Variants in DNAH3 observed in about 807,000 individuals in gnomAD.
DNAH3 encodes the protein dynein axonemal heavy chain 3, also known as axonemal beta dynein heavy chain 3.
DNAH3 carries 332 observed loss-of-function variants against 432.5 expected under a neutral mutation model. The observed-to-expected ratio is 0.77, with a 90% CI of 0.70 to 0.84. The LOEUF is 0.84. Among genes scored for constraint, DNAH3 ranks in the 40% least tolerant of loss-of-function variants. The pLI, the probability that DNAH3 is intolerant of heterozygous loss-of-function variation, is 0.00. For missense variants in DNAH3, 4,861 were observed against 5,114.0 expected (o/e 0.95, Z 1.51); for synonymous variants, 1,956 against 1,900.2 (o/e 1.03, Z -0.76).
intron 41 of DNAH3, 97 bp downstream of exon 41, chr16:21,019,527 T>C: frequency 2.1e-6 from 3 of 1,442,384 alleles, no homozygotes; most frequent in Non-Finnish European, 2.8e-6. Context: ...CTTCTGTGGC[T>C]TTTGTAAAGG....
chr16:21,018,906 T>TTA (rs2087999488), intron 41 of DNAH3, among the ~76,000 whole-genome samples: 1 of 151,652 alleles, frequency 6.6e-6, no homozygotes. Flanking sequence ...AAAAAAAAAT[T>TTA]ATAATGACAA....
At chr16:21,154,075 C>G (rs2092882918) in intron 1 of DNAH3, among the ~76,000 whole-genome samples, 1 of 152,130 alleles carries the variant, frequency 6.6e-6, no homozygotes, top group Non-Finnish European at 1.5e-5. Flanking sequence ...CCTCATGTCC[C>G]ACCAAAAACA....
chr16:21,134,176 C>G lies in DNAH3; in HGVS notation c.1082+83G>C, dbSNP rs561558533. ...TTTCTCTATGCTGTCAGGGCTACCC[C>G]CACTGTGCACAGCAGAATAGGCTTG... On this transcript the variant is annotated intron_variant, in intron 7 of 61. Transcript: ENST00000261383. 4.5e-6 allele frequency: 6 copies of G among 1,346,092 alleles called. No homozygotes were observed. The Admixed American group carries it at 9.2e-5, about 21-fold the overall frequency. 83.4% of individuals were successfully genotyped at this position (1,346,092 alleles called of 1,614,324 possible). A position where few individuals can be genotyped will look rare whatever the true frequency, so the allele number is the denominator to read the frequency against.
chr16:20,981,917 T>C (rs1468150712), intron 49 of DNAH3, among the ~76,000 whole-genome samples: 1 of 149,936 alleles, frequency 6.7e-6, no homozygotes, highest in Non-Finnish European at 1.5e-5. Flanking sequence ...TTTTTTTATA[T>C]ATGTATGCAT....
exon 39 of DNAH3, chr16:21,024,627 G>A: frequency 6.2e-7 from 1 of 1,612,864 alleles, no homozygotes; most frequent in East Asian, 2.2e-5. Context: ...GAGACTGGAG[G>A]GCAGGGTGTC....
intron 7 of DNAH3, chr16:21,130,033 T>C (rs1366333797): frequency 2.3e-5 from 3 of 131,410 alleles, no homozygotes; most frequent in Admixed American, 9.2e-5. Flanking sequence ...GCTTAGCACA[T>C]AACCAGGACC....
At chr16:21,066,949 G>T (rs1750377923) in intron 24 of DNAH3, among the ~76,000 whole-genome samples, 1 of 152,192 alleles carries the variant, frequency 6.6e-6, no homozygotes, top group Non-Finnish European at 1.5e-5. Context: ...GAGGCCTCAA[G>T]ACCACTAGGT....
chr16:21,091,144 C>A (rs190061142), intron 18 of DNAH3, among the ~76,000 whole-genome samples: 1 of 151,650 alleles, frequency 6.6e-6, no homozygotes, highest in Admixed American at 6.6e-5. Context: ...CAGAGCGAGA[C>A]CCCATCTCAA....
intron 21 of DNAH3, 46 bp from the exon 22 acceptor site, chr16:21,070,872 C>T (rs755560161): frequency 8.3e-7 from 1 of 1,208,766 alleles, no homozygotes; most frequent in East Asian, 2.4e-5. Context: ...GAAACCTCCC[C>T]ATTTTTCTTT....
intron 44 of DNAH3, among the ~76,000 whole-genome samples, chr16:20,993,223 C>T (rs2086630587): frequency 6.6e-6 from 1 of 152,136 alleles, no homozygotes; most frequent in Admixed American, 6.5e-5. Context: ...ACTCTTGGTT[C>T]TCAAAAACTC....
At chr16:21,033,802 G>C (rs1027792928) in intron 36 of DNAH3, among the ~76,000 whole-genome samples, 172 bp downstream of exon 36, 1 of 151,948 alleles carries the variant, frequency 6.6e-6, no homozygotes, top group South Asian at 2.1e-4. Flanking sequence ...GAAGCACCCC[G>C]CCCCCAACCC....
chr16:20,970,403 A>T (rs1463559357), intron 51 of DNAH3, among the ~76,000 whole-genome samples: 1 of 152,174 alleles, frequency 6.6e-6, no homozygotes. Context: ...GGGCGCTTGT[A>T]ATCTCAGCTA....
intron 9 of DNAH3, among the ~76,000 whole-genome samples, chr16:21,124,653 T>C (rs2092410155): frequency 6.6e-6 from 1 of 152,118 alleles, no homozygotes; most frequent in Admixed American, 6.6e-5. Context: ...TACTTTTTTT[T>C]TTTTTTCCTT....
At chr16:21,087,136 T>C in intron 18 of DNAH3, 76 bp from the exon 19 acceptor site, 1 of 1,239,168 alleles carries the variant, frequency 8.1e-7, no homozygotes, top group Middle Eastern at 2.7e-4. Flanking sequence ...TCCCTGAACT[T>C]AGAGCTGTGC....
chr16:21,135,949 G>A (rs1013705835), intron 6 of DNAH3, among the ~76,000 whole-genome samples: 6 of 142,948 alleles, frequency 4.2e-5, no homozygotes, highest in African/African-American at 1.3e-4. Flanking sequence ...CTACTGAATC[G>A]CAATCTGCAT....
At chr16:21,070,473 G>C (rs953010774) in intron 22 of DNAH3, among the ~76,000 whole-genome samples, 1 of 152,040 alleles carries the variant, frequency 6.6e-6, no homozygotes, top group Non-Finnish European at 1.5e-5. Flanking sequence ...AGTAGAGACG[G>C]AGTTTCACCA....
At chr16:21,090,183 T>C (rs1449168223) in intron 18 of DNAH3, among the ~76,000 whole-genome samples, 7 of 151,774 alleles carry the variant, frequency 4.6e-5, no homozygotes, top group African/African-American at 1.7e-4. Context: ...AATTTATAGA[T>C]AAAAAATTTC....
At chr16:21,076,047 A>AG (rs1231854626) in intron 20 of DNAH3, among the ~76,000 whole-genome samples, 1 of 151,846 alleles carries the variant, frequency 6.6e-6, no homozygotes, top group Non-Finnish European at 1.5e-5. Flanking sequence ...AGTGTTTTGC[A>AG]GGGTTTCTCA....
intron 1 of DNAH3, among the ~76,000 whole-genome samples, chr16:21,149,605 C>T (rs1295462300): frequency 6.6e-6 from 1 of 152,180 alleles, no homozygotes; most frequent in Non-Finnish European, 1.5e-5. Flanking sequence ...GGGCCCCACT[C>T]CAAATCTTCT....
Sources: gnomAD v4.1 joint callset for allele counts (sites outside exome capture counted in the v4.1 genomes callset) on GRCh38, gnomAD v4.1.1 for gene constraint, MANE v1.5 for transcripts, NCBI Gene and HGNC (gene_info 2026-07-23, HGNC 2026-07-21) for gene names.